The following THSD4 variants were observed in gnomAD, a reference collection of about 807,000 sequenced individuals.
THSD4 encodes thrombospondin type 1 domain containing 4.
A neutral mutation model predicts 119.0 loss-of-function variants in THSD4; 69 were observed. The ratio of observed to expected loss-of-function variants is 0.58; its 90% CI spans 0.48 to 0.71. The LOEUF (loss-of-function observed/expected upper bound fraction) is 0.71. Ranked by LOEUF, THSD4 falls within the 30% of genes least tolerant of loss-of-function variation. The probability of loss-of-function intolerance (pLI) is 0.00; values close to 1 mark genes in which losing one functional copy is unlikely to be tolerated. For missense variants in THSD4, 1,393 were observed against 1,391.1 expected, an observed-to-expected ratio of 1.00 and a Z score of -0.02; for synonymous variants, 524 against 540.4, an observed-to-expected ratio of 0.97 and a Z score of 0.42.
chr15:71,544,460 C>T (rs1000620944), intron 7 of THSD4, among the ~76,000 whole-genome samples: 6 of 152,132 alleles, frequency 3.9e-5, no homozygotes, highest in Non-Finnish European at 8.8e-5. Context: ...GGAGGACATA[C>T]GTTTCACACC....
At chr15:71,269,129 T>C (rs1227048891) in intron 6 of THSD4, among the ~76,000 whole-genome samples, 1 of 152,140 alleles carries the variant, frequency 6.6e-6, no homozygotes, top group Non-Finnish European at 1.5e-5. Flanking sequence ...TGTCAAAACC[T>C]GGCAGAGACA....
At chr15:71,348,508 A>G (rs917688113) in intron 6 of THSD4, 5 of 152,244 alleles carry the variant, frequency 3.3e-5, no homozygotes, top group African/African-American at 1.2e-4. Flanking sequence ...TTGGTTTTCA[A>G]CAGAGATACC....
chr15:71,173,997 A>G (rs1360327689), intron 3 of THSD4, among the ~76,000 whole-genome samples: 2 of 152,234 alleles, frequency 1.3e-5, no homozygotes, highest in African/African-American at 2.4e-5. Flanking sequence ...AAGAAAATGT[A>G]GAGCAAAATC....
chr15:71,534,341 T>C (rs1269098392), intron 7 of THSD4, among the ~76,000 whole-genome samples: 3 of 152,222 alleles, frequency 2.0e-5, no homozygotes, highest in African/African-American at 4.8e-5. Flanking sequence ...GTAATGGGCA[T>C]TTATCCTTCA....
intron 1 of THSD4, among the ~76,000 whole-genome samples, chr15:71,127,509 G>C (rs80024164): frequency 0.027 from 4,121 of 152,240 alleles, 197 homozygotes; most frequent in African/African-American, 0.095. Flanking sequence ...CATAATGGCT[G>C]TACTAATTTA....
At chr15:71,180,320 C>T (rs1205770562) in intron 3 of THSD4, among the ~76,000 whole-genome samples, 1 of 152,076 alleles carries the variant, frequency 6.6e-6, no homozygotes, top group African/African-American at 2.4e-5. Context: ...CAACATGATT[C>T]ATAAATGGGC....
intron 1 of THSD4, among the ~76,000 whole-genome samples, chr15:71,124,070 C>T (rs1318845441): frequency 6.6e-6 from 1 of 152,214 alleles, no homozygotes; most frequent in African/African-American, 2.4e-5. Context: ...CCATCATCAT[C>T]ATCTCTGTGT....
intron 8 of THSD4, among the ~76,000 whole-genome samples, chr15:71,677,223 CT>C (rs1489810348): frequency 6.6e-6 from 1 of 152,212 alleles, no homozygotes; most frequent in African/African-American, 2.4e-5. Flanking sequence ...ATGGCAGCCC[CT>C]GGAGACGATT....
At chr15:71,561,486 A>G (rs1329599759) in intron 7 of THSD4, among the ~76,000 whole-genome samples, 2 of 152,192 alleles carry the variant, frequency 1.3e-5, no homozygotes, top group East Asian at 1.9e-4. Flanking sequence ...TATTTGTCCA[A>G]CTGAAGTAGA....
intron 3 of THSD4, among the ~76,000 whole-genome samples, chr15:71,160,174 T>G (rs759022556): frequency 3.7e-4 from 57 of 152,140 alleles, no homozygotes; most frequent in Non-Finnish European, 7.5e-4. Context: ...GAATCCCACT[T>G]GATATTAGTG....
Position 71,748,582 on chromosome 15 carries a change from G to C in THSD4, c.2403G>C (p.Glu801Asp), listed in dbSNP as rs753023929. The change falls in exon 14 of 18, where the codon GAG (glutamate) becomes GAC (aspartate). Residue 801 changes from glutamate to aspartate, a missense_variant. Transcript: ENST00000261862. ...GPCAKSWFLT[E>D]WSERCSAECG... Reference sequence around the variant, plus strand: ...GTGCCAAGAGCTGGTTCCTCACCGAGTGGAGCGAAAGGGTGAGTGTGATGG... The same window carrying C: ...GTGCCAAGAGCTGGTTCCTCACCGACTGGAGCGAAAGGGTGAGTGTGATGG... The C allele has an allele frequency of 1.2e-6, 2 of 1,614,144 alleles. No individual in the cohort carries two copies. Among genetic ancestry groups the C allele is most frequent in the South Asian group, 2.2e-5 (2 of 91,070 alleles).
Position 71,242,989 on chromosome 15 carries a change from C to A in THSD4, c.805C>A (p.His269Asn), listed in dbSNP as rs1176604904. ...TCACAGCCCAGAAACAAGCAACAACCACGGTGTGGGGACCCATGGGGCAAC... is the reference window on the plus strand; with the variant it reads ...TCACAGCCCAGAAACAAGCAACAACAACGGTGTGGGGACCCATGGGGCAAC... ...LFHSPETSNN[H>N]GVGTHGATQS... Residue 269 changes from histidine to asparagine, a missense_variant, in exon 5 of 18, where the codon CAC (histidine) becomes AAC (asparagine). By Grantham distance (68) the His-to-Asn change is moderately conservative (BLOSUM62 1). Coordinates refer to ENST00000261862, the MANE Select transcript of THSD4 (RefSeq NM_024817.3). The A allele has an allele frequency of 6.2e-7, 1 of 1,614,088 alleles. No individual in the cohort carries two copies. The highest frequency in any genetic ancestry group is 1.3e-5 in the African/African-American group (1 of 74,930).
chr15:71,187,855 T>G (rs1236536131), intron 3 of THSD4, among the ~76,000 whole-genome samples: 1 of 152,184 alleles, frequency 6.6e-6, no homozygotes, highest in Non-Finnish European at 1.5e-5. Flanking sequence ...AACAGCGAGT[T>G]TGGTTCCCAG....
intron 7 of THSD4, among the ~76,000 whole-genome samples, chr15:71,567,596 A>ACCC (rs149069118): frequency 0.14 from 18,103 of 130,778 alleles, 1,159 homozygotes; most frequent in Middle Eastern, 0.18. Context: ...GAACAAAGAC[A>ACCC]CCCCCCCACA....
chr15:71,660,357 A>G (rs1165781154), intron 7 of THSD4, 173 bp from the exon 8 acceptor site: 2 of 693,860 alleles, frequency 2.9e-6, no homozygotes, highest in Non-Finnish European at 4.9e-6. Context: ...CACCAAACAA[A>G]CTCTGTTTTA....
chr15:71,422,551 T>C (rs2046822193), intron 7 of THSD4, among the ~76,000 whole-genome samples: 1 of 152,204 alleles, frequency 6.6e-6, no homozygotes, highest in South Asian at 2.1e-4. Context: ...ATGGAGTCTC[T>C]CTCTGTGATA....
At chr15:71,193,542 A>G (rs2043691101) in intron 3 of THSD4, among the ~76,000 whole-genome samples, 1 of 152,074 alleles carries the variant, frequency 6.6e-6, no homozygotes. Context: ...AAGAATGGCC[A>G]GGGTTGGTGA....
intron 7 of THSD4, among the ~76,000 whole-genome samples, chr15:71,619,975 A>G (rs1233484066): frequency 6.6e-6 from 1 of 152,250 alleles, no homozygotes; most frequent in East Asian, 1.9e-4. Flanking sequence ...AGTTACATAT[A>G]GCTCTTTAGA....
intron 1 of THSD4, among the ~76,000 whole-genome samples, chr15:71,138,845 G>A (rs1432585515): frequency 1.3e-5 from 2 of 151,460 alleles, no homozygotes; most frequent in Non-Finnish European, 1.5e-5. Context: ...CTCCAGCATC[G>A]AGGCTGTAAT....
Sources: gnomAD v4.1 joint callset for allele counts (sites outside exome capture counted in the v4.1 genomes callset) on GRCh38, gnomAD v4.1.1 for gene constraint, MANE v1.5 for transcripts, NCBI Gene and HGNC (gene_info 2026-07-23, HGNC 2026-07-21) for gene names.